Variants in PTPRD observed in about 807,000 individuals in gnomAD.
PTPRD encodes protein tyrosine phosphatase receptor type D.
In PTPRD, 34 loss-of-function variants were observed where a neutral mutation model predicts 214.5. The ratio of observed to expected loss-of-function variants is 0.16; its 90% CI spans 0.12 to 0.21. PTPRD has a LOEUF of 0.21. Among genes scored for constraint, PTPRD ranks in the 10% least tolerant of loss-of-function variants. PTPRD has a pLI of 1.00. For synonymous variants in PTPRD, 1,128 were observed against 845.7 expected (o/e 1.33, Z -5.79); for missense variants, 2,545 against 2,398.7 (o/e 1.06, Z -1.27).
chr9:9,293,326 T>C lies in PTPRD; in HGVS notation c.-203+104123A>G, dbSNP rs577195543. ...GAATATATTGTTCCAGATTTGGCCA[T>C]TGGGAGCTCTTTCAGTTCTCTCCTA... On this transcript the variant is annotated intron_variant, in intron 9 of 45. Transcript: ENST00000381196. Among the ~76,000 whole-genome samples the C allele has an allele frequency of 4.0e-5, 6 of 151,448 alleles. No individual in the cohort carries two copies. The South Asian group carries it at 8.3e-4, about 21-fold the overall frequency.
chr9:8,953,472 A>G (rs1450612725), intron 11 of PTPRD, among the ~76,000 whole-genome samples: 2 of 152,116 alleles, frequency 1.3e-5, no homozygotes, highest in African/African-American at 4.8e-5. Flanking sequence ...CTCAAAAGCA[A>G]TGGCAACAAA....
intron 12 of PTPRD, among the ~76,000 whole-genome samples, chr9:8,679,075 T>G (rs1440385438): frequency 1.3e-5 from 2 of 152,094 alleles, no homozygotes; most frequent in East Asian, 3.9e-4. Flanking sequence ...TGGAAACCGA[T>G]AAGAAATGGA....
At chr9:8,410,347 T>C (rs1403250852) in intron 35 of PTPRD, among the ~76,000 whole-genome samples, 1 of 152,136 alleles carries the variant, frequency 6.6e-6, no homozygotes, top group Non-Finnish European at 1.5e-5. Context: ...GGTGTTAGCT[T>C]TCTGGCTGCC....
At chr9:9,780,675 A>T (rs1417979286) in intron 5 of PTPRD, among the ~76,000 whole-genome samples, 1 of 152,166 alleles carries the variant, frequency 6.6e-6, no homozygotes, top group Non-Finnish European at 1.5e-5. Context: ...ACCATCACAC[A>T]CCTAGGTATT....
chr9:9,652,788 G>A (rs772333466), intron 7 of PTPRD, among the ~76,000 whole-genome samples: 5 of 151,494 alleles, frequency 3.3e-5, no homozygotes, highest in Non-Finnish European at 7.4e-5. Flanking sequence ...CTAATTTTTT[G>A]TATCTAGTAG....
chr9:8,376,005 A>T lies in PTPRD; in HGVS notation c.4592T>A (p.Phe1531Tyr). 1 of 1,612,988 alleles carries T rather than the reference A, an allele frequency of 6.2e-7. No homozygotes were observed. The highest frequency in any genetic ancestry group is 8.5e-7 in the Non-Finnish European group (1 of 1,179,292). The change falls in exon 39 of 46, where the codon TTT becomes TAT. Residue 1531 changes from phenylalanine to tyrosine, a missense_variant. Physicochemically the swap from Phe to Tyr is conservative, Grantham distance 22. Transcript: ENST00000381196. ...DHGVPEHPTP[F>Y]LAFLRRVKTC... ...TTTGACTCTACGTAAGAAAGCTAGAAAAGGTGTAGGGTGTTCTGGAACACC... is the reference window on the plus strand; with the variant it reads ...TTTGACTCTACGTAAGAAAGCTAGATAAGGTGTAGGGTGTTCTGGAACACC...
chr9:10,115,491 T>C lies in PTPRD; in HGVS notation c.-544-81701A>G, dbSNP rs116477790. 7.6e-3 allele frequency among the ~76,000 whole-genome samples: 1,159 copies of C among 152,216 alleles called. 12 individuals carry two copies. The highest frequency in any genetic ancestry group is 0.021 in the African/African-American group (862 of 41,564). ...TTTAAAAATCAGATCTCTTTGCTTCTTTACAATTTGGCCAAGGGACACTGA... is the reference window on the plus strand; with the variant it reads ...TTTAAAAATCAGATCTCTTTGCTTCCTTACAATTTGGCCAAGGGACACTGA... On this transcript the variant is annotated intron_variant, in intron 3 of 45. Coordinates refer to ENST00000381196, the MANE Select transcript of PTPRD (RefSeq NM_002839.4).
intron 10 of PTPRD, among the ~76,000 whole-genome samples, chr9:9,162,425 A>G (rs1300950783): frequency 2.0e-5 from 3 of 152,114 alleles, no homozygotes; most frequent in African/African-American, 4.8e-5. Flanking sequence ...CCACTGGGGG[A>G]AAACTTTTGG....
intron 2 of PTPRD, among the ~76,000 whole-genome samples, chr9:10,505,661 T>C (rs189803901): frequency 6.6e-6 from 1 of 150,948 alleles, no homozygotes; most frequent in African/African-American, 2.4e-5. Context: ...TCTCCACATC[T>C]TTCTTGAACA....
intron 4 of PTPRD, among the ~76,000 whole-genome samples, chr9:9,953,473 T>C (rs975377100): frequency 1.3e-5 from 2 of 149,504 alleles, no homozygotes; most frequent in Non-Finnish European, 3.0e-5. Context: ...AAAAATTAAA[T>C]TAAAATAGAG....
At chr9:8,979,725 A>C (rs772665861) in intron 11 of PTPRD, among the ~76,000 whole-genome samples, 36 of 152,170 alleles carry the variant, frequency 2.4e-4, no homozygotes, top group Non-Finnish European at 4.9e-4. Context: ...TTTATCAGTA[A>C]GACAAGAGAT....
At chr9:9,478,368 A>G (rs1285785161) in intron 8 of PTPRD, among the ~76,000 whole-genome samples, 2 of 152,226 alleles carry the variant, frequency 1.3e-5, no homozygotes, top group African/African-American at 4.8e-5. Flanking sequence ...TGAGAGGTTA[A>G]TAGCTGAATA....
At chr9:8,840,647 T>G (rs1032835219) in intron 11 of PTPRD, among the ~76,000 whole-genome samples, 2 of 152,252 alleles carry the variant, frequency 1.3e-5, no homozygotes, top group African/African-American at 4.8e-5. Flanking sequence ...TTCCGGTTTT[T>G]AATCAGAATG....
intron 30 of PTPRD, among the ~76,000 whole-genome samples, chr9:8,478,991 T>C (rs16927991): frequency 0.047 from 7,113 of 152,252 alleles, 565 homozygotes; most frequent in African/African-American, 0.16. Flanking sequence ...TTTTTCTGGA[T>C]AGCTTTCATC....
At chr9:9,010,988 G>C (rs750912854) in intron 11 of PTPRD, among the ~76,000 whole-genome samples, 2 of 152,104 alleles carry the variant, frequency 1.3e-5, no homozygotes, top group African/African-American at 2.4e-5. Flanking sequence ...TTTTGGTACA[G>C]AAAACATTTC....
At chr9:10,585,637 G>C (rs2073641693) in intron 2 of PTPRD, among the ~76,000 whole-genome samples, 2 of 151,950 alleles carry the variant, frequency 1.3e-5, no homozygotes, top group Non-Finnish European at 2.9e-5. Context: ...AAAATATAGT[G>C]AAGGGGGAAA....
chr9:9,835,193 T>C (rs1029471391), intron 5 of PTPRD, among the ~76,000 whole-genome samples: 5 of 152,144 alleles, frequency 3.3e-5, no homozygotes, highest in Non-Finnish European at 7.4e-5. Context: ...ATTTCAGTTA[T>C]ATTTCTGCGG....
chr9:9,684,355 G>C (rs1169428597), intron 7 of PTPRD, among the ~76,000 whole-genome samples: 1 of 151,514 alleles, frequency 6.6e-6, no homozygotes, highest in Non-Finnish European at 1.5e-5. Context: ...TATCAATGTT[G>C]GGTGCATTTT....
chr9:10,421,214 T>G (rs2098542693), intron 2 of PTPRD, among the ~76,000 whole-genome samples: 1 of 151,922 alleles, frequency 6.6e-6, no homozygotes, highest in African/African-American at 2.4e-5. Flanking sequence ...GGTTCTGCAC[T>G]GCAGATTACG....
Sources: allele counts gnomAD v4.1 joint callset (sites outside exome capture counted in the v4.1 genomes callset), GRCh38; gene constraint gnomAD v4.1.1; transcripts MANE v1.5; gene names NCBI Gene and HGNC (gene_info 2026-07-23, HGNC 2026-07-21).